The following LRP1B variants were observed in gnomAD, a reference collection of about 807,000 sequenced individuals.
LRP1B encodes LDL receptor related protein 1B.
In LRP1B, 217 loss-of-function variants were observed where a neutral mutation model predicts 556.6. The ratio of observed to expected loss-of-function variants is 0.39; its 90% CI spans 0.35 to 0.44. The LOEUF (loss-of-function observed/expected upper bound fraction) is 0.44, where lower values mean the gene tolerates loss of function less well. Ranked by LOEUF, LRP1B falls within the 20% of genes least tolerant of loss-of-function variation. The pLI, the probability that LRP1B is intolerant of heterozygous loss-of-function variation, is 1.00. For synonymous variants in LRP1B, 2,047 were observed against 1,865.8 expected, an observed-to-expected ratio of 1.10 and a Z score of -2.50; for missense variants, 5,053 against 5,620.8, an observed-to-expected ratio of 0.90 and a Z score of 3.23.
At chr2:140,283,953 G>T (rs1370189640) in intron 84 of LRP1B, among the ~76,000 whole-genome samples, 3 of 151,738 alleles carry the variant, frequency 2.0e-5, no homozygotes, top group African/African-American at 7.2e-5. Context: ...GCTAAATATG[G>T]CTTATCAGAT....
At chr2:140,248,298 G>T (rs2104901502) in intron 86 of LRP1B, among the ~76,000 whole-genome samples, 1 of 151,722 alleles carries the variant, frequency 6.6e-6, no homozygotes, top group African/African-American at 2.4e-5. Flanking sequence ...ATGTTTCAAA[G>T]AAGCATATAT....
At chr2:141,343,096 T>G (rs908799087) in intron 3 of LRP1B, among the ~76,000 whole-genome samples, 1 of 152,206 alleles carries the variant, frequency 6.6e-6, no homozygotes, top group Non-Finnish European at 1.5e-5. Context: ...TCATACTTTT[T>G]AAGTCACATT....
In LRP1B at chr2:140,364,720, C is replaced by G. The variant is rs757305272; in HGVS notation, c.11072G>C (p.Trp3691Ser). Residue 3691 changes from tryptophan to serine, a missense_variant, in exon 72 of 91, where the codon TGG becomes TCG. Physicochemically the swap from Trp to Ser is radical, Grantham distance 177 (BLOSUM62 -3). Around this residue, in one of 5 missense-constraint regions of LRP1B, gnomAD observed 599 missense variants for 648.4 expected, o/e 0.92. Transcript: ENST00000389484. ...ACAGTCGTCCTCTCCATCACACACC[C>G]AGAAATGTAGTTTGCAGAGAGAATT... ...CNNSLCKLHF[W>S]VCDGEDDCGD... The G allele has an allele frequency of 6.2e-7, 1 of 1,610,336 alleles. No individual in the cohort carries two copies. The highest frequency in any genetic ancestry group is 1.3e-5 in the African/African-American group (1 of 74,694).
At chr2:140,271,577 G>T (rs575338083) in intron 85 of LRP1B, among the ~76,000 whole-genome samples, 17 of 152,026 alleles carry the variant, frequency 1.1e-4, no homozygotes, top group Admixed American at 9.9e-4. Flanking sequence ...ACATTAATTG[G>T]TGTTTAATTT....
intron 74 of LRP1B, among the ~76,000 whole-genome samples, chr2:140,357,130 A>T (rs975743119): frequency 2.0e-5 from 3 of 151,768 alleles, no homozygotes; most frequent in Non-Finnish European, 2.9e-5. Context: ...ACATTTTAGA[A>T]GGCCTTCTCT....
chr2:140,609,301 A>G (rs189586381), intron 41 of LRP1B, among the ~76,000 whole-genome samples: 20 of 152,332 alleles, frequency 1.3e-4, no homozygotes, highest in Admixed American at 1.1e-3. Context: ...GCTGAAAGCT[A>G]TGAACCAGAA....
At chr2:140,933,610 A>G (rs1053696681) in intron 20 of LRP1B, among the ~76,000 whole-genome samples, 3 of 152,094 alleles carry the variant, frequency 2.0e-5, no homozygotes, top group African/African-American at 7.2e-5. Flanking sequence ...GCTATTAATT[A>G]TATCTTTAAC....
intron 66 of LRP1B, among the ~76,000 whole-genome samples, chr2:140,408,124 G>C (rs977329177): frequency 2.6e-4 from 39 of 151,950 alleles, no homozygotes; most frequent in African/African-American, 8.9e-4. Context: ...TGGAAGCTAA[G>C]CTATGAGGAC....
intron 2 of LRP1B, among the ~76,000 whole-genome samples, chr2:141,641,149 A>G (rs1300821199): frequency 6.6e-6 from 1 of 151,742 alleles, no homozygotes; most frequent in Non-Finnish European, 1.5e-5. Flanking sequence ...AGATCTCTGT[A>G]ATATTTAAAA....
At chr2:140,313,098 CCAAA>C (rs754367414) in intron 83 of LRP1B, among the ~76,000 whole-genome samples, 1 of 151,738 alleles carries the variant, frequency 6.6e-6, no homozygotes, top group South Asian at 2.1e-4. Context: ...GTCTAAAATA[CCAAA>C]CAATGTTTTT....
At chr2:140,252,477 C>T (rs1681482661) in intron 86 of LRP1B, among the ~76,000 whole-genome samples, 1 of 151,886 alleles carries the variant, frequency 6.6e-6, no homozygotes, top group South Asian at 2.1e-4. Context: ...AAATAATCTG[C>T]CCACAGAAGC....
At chr2:141,721,806 A>G (rs370818764) in intron 2 of LRP1B, among the ~76,000 whole-genome samples, 2 of 152,086 alleles carry the variant, frequency 1.3e-5, no homozygotes, top group South Asian at 2.1e-4. Context: ...TGGTAGCAAA[A>G]TACCCTGAAC....
intron 2 of LRP1B, among the ~76,000 whole-genome samples, chr2:141,609,570 A>G (rs1053393630): frequency 2.8e-4 from 42 of 152,180 alleles, no homozygotes; most frequent in African/African-American, 6.8e-4. Context: ...TTGTATGCTT[A>G]TATTATTTCT....
At chr2:140,265,640 A>G (rs930436575) in intron 86 of LRP1B, among the ~76,000 whole-genome samples, 7 of 152,090 alleles carry the variant, frequency 4.6e-5, no homozygotes, top group African/African-American at 1.7e-4. Context: ...TATATTACCA[A>G]CAAAAATAAA....
rs544590841 is a variant in LRP1B, at chr2:141,387,882, C to T, written c.343+92514G>A. ...GAAAACTGCATACCAATATCCCTTA[C>T]GGATAGAAACCAAAAACAATCAAAC... On this transcript the variant is annotated intron_variant, in intron 3 of 90. Coordinates refer to ENST00000389484, the MANE Select transcript of LRP1B (RefSeq NM_018557.3). 8.5e-5 allele frequency among the ~76,000 whole-genome samples: 13 copies of T among 152,202 alleles called. 1 individual carries two copies. The highest frequency in any genetic ancestry group is 2.1e-4 in the South Asian group (1 of 4,816).
chr2:141,072,284 C>T (rs1413161354), intron 7 of LRP1B, among the ~76,000 whole-genome samples: 1 of 152,120 alleles, frequency 6.6e-6, no homozygotes, highest in African/African-American at 2.4e-5. Flanking sequence ...CTTGAAGAAT[C>T]ATCTACAATC....
intron 58 of LRP1B, 151 bp downstream of exon 58, chr2:140,487,466 T>C (rs1688516849): frequency 3.4e-6 from 2 of 580,792 alleles, no homozygotes; most frequent in East Asian, 6.5e-5. Flanking sequence ...TTTTTCATAT[T>C]TAAAGTTTTA....
At chr2:140,459,901 C>T (rs1421368443) in intron 60 of LRP1B, among the ~76,000 whole-genome samples, 1 of 152,134 alleles carries the variant, frequency 6.6e-6, no homozygotes, top group Non-Finnish European at 1.5e-5. Context: ...CATGTGAAGA[C>T]ATGTTTGCTT....
intron 1 of LRP1B, among the ~76,000 whole-genome samples, chr2:141,967,484 T>C (rs943913071): frequency 6.6e-6 from 1 of 151,908 alleles, no homozygotes; most frequent in Non-Finnish European, 1.5e-5. Flanking sequence ...AATCTCACCG[T>C]ATTTCTTATC....
Sources: gnomAD v4.1 joint callset for allele counts (sites outside exome capture counted in the v4.1 genomes callset) on GRCh38, gnomAD v4.1.1 for gene constraint, gnomAD v4.1.1 regional missense constraint, MANE v1.5 for transcripts, NCBI Gene and HGNC (gene_info 2026-07-23, HGNC 2026-07-21) for gene names.